Variants in ANGPT1 observed in about 807,000 individuals in gnomAD.
ANGPT1 encodes the protein angiopoietin-1.
ANGPT1 carries 17 observed loss-of-function variants against 62.2 expected under a neutral mutation model. That is an observed-to-expected ratio of 0.27 (90% confidence interval 0.19 to 0.41). The LOEUF (loss-of-function observed/expected upper bound fraction) is 0.41, where lower values mean the gene tolerates loss of function less well. Ranked by LOEUF, ANGPT1 falls within the 10% of genes least tolerant of loss-of-function variation. The pLI, the probability that ANGPT1 is intolerant of heterozygous loss-of-function variation, is 1.00. For synonymous variants in ANGPT1, 199 were observed against 198.9 expected (o/e 1.00, Z 0.00); for missense variants, 478 against 594.9 (o/e 0.80, Z 2.04).
intron 8 of ANGPT1, among the ~76,000 whole-genome samples, chr8:107,260,884 T>A (rs1185289274): frequency 6.6e-6 from 1 of 152,188 alleles, no homozygotes; most frequent in Admixed American, 6.5e-5. Context: ...GTTCAATCAT[T>A]TAAAGCAGAA....
At chr8:107,435,240 A>G (rs892073288) in intron 1 of ANGPT1, among the ~76,000 whole-genome samples, 5 of 152,180 alleles carry the variant, frequency 3.3e-5, no homozygotes, top group African/African-American at 1.2e-4. Flanking sequence ...AAATGAGTGA[A>G]TTTTATGGTA....
intron 8 of ANGPT1, among the ~76,000 whole-genome samples, chr8:107,259,103 A>G (rs1813434929): frequency 6.6e-6 from 1 of 152,198 alleles, no homozygotes; most frequent in East Asian, 1.9e-4. Flanking sequence ...AATTGGGTTG[A>G]AATAAAAGTA....
Position 107,354,995 on chromosome 8 carries a change from T to C in ANGPT1, c.298-7898A>G, listed in dbSNP as rs145803850. On this transcript the variant is annotated intron_variant, in intron 1 of 8. Coordinates refer to ENST00000517746, the MANE Select transcript of ANGPT1 (RefSeq NM_001146.5). Reference sequence around the variant, plus strand: ...GGGCAATCTCAGCTCGCTGCAACCTTCGCCTCTCGGGTTCAAGTGGTTTCC... The same window carrying C: ...GGGCAATCTCAGCTCGCTGCAACCTCCGCCTCTCGGGTTCAAGTGGTTTCC... Among the ~76,000 whole-genome samples the C allele has an allele frequency of 5.8e-3, 882 of 151,514 alleles. 13 individuals carry two copies. Among genetic ancestry groups the C allele is most frequent in the Non-Finnish European group, 5.6e-3 (377 of 67,838 alleles).
At chr8:107,394,111 T>C (rs1319337680) in intron 1 of ANGPT1, among the ~76,000 whole-genome samples, 2 of 152,154 alleles carry the variant, frequency 1.3e-5, no homozygotes, top group South Asian at 2.1e-4. Flanking sequence ...CTGTGAAAGA[T>C]ACCGGTATTT....
At chr8:107,366,293 G>A (rs147330198) in intron 1 of ANGPT1, among the ~76,000 whole-genome samples, 1 of 152,286 alleles carries the variant, frequency 6.6e-6, no homozygotes, top group East Asian at 1.9e-4. Context: ...AAATGGGAGA[G>A]CAGAGATTAG....
At chr8:107,447,310 T>C (rs1250080920) in intron 1 of ANGPT1, among the ~76,000 whole-genome samples, 1 of 152,208 alleles carries the variant, frequency 6.6e-6, no homozygotes, top group Non-Finnish European at 1.5e-5. Flanking sequence ...GCAAAGTGCC[T>C]GTGGGGCAGA....
chr8:107,410,510 G>C (rs893941836), intron 1 of ANGPT1, among the ~76,000 whole-genome samples: 1 of 152,032 alleles, frequency 6.6e-6, no homozygotes, highest in Non-Finnish European at 1.5e-5. Context: ...TATTTCCTTC[G>C]TTCTGCAGCT....
At chr8:107,280,488 G>A (rs774246428) in intron 7 of ANGPT1, among the ~76,000 whole-genome samples, 7 of 152,130 alleles carry the variant, frequency 4.6e-5, no homozygotes, top group Non-Finnish European at 8.8e-5. Context: ...GGGTTGACAC[G>A]TTACATCTAC....
At chr8:107,332,199 TCATCTC>T (rs1815439028) in intron 3 of ANGPT1, among the ~76,000 whole-genome samples, 1 of 152,196 alleles carries the variant, frequency 6.6e-6, no homozygotes, top group Non-Finnish European at 1.5e-5. Flanking sequence ...TACTTTGTGT[TCATCTC>T]ACTCCCTTTG....
At chr8:107,265,570 C>A (rs1401938312) in intron 7 of ANGPT1, among the ~76,000 whole-genome samples, 1 of 152,148 alleles carries the variant, frequency 6.6e-6, no homozygotes, top group Non-Finnish European at 1.5e-5. Context: ...CCCTCTCTCT[C>A]TAACTCTACC....
chr8:107,358,228 T>A (rs1349126922), intron 1 of ANGPT1, among the ~76,000 whole-genome samples: 1 of 152,164 alleles, frequency 6.6e-6, no homozygotes. Flanking sequence ...GTCCAACTAA[T>A]TTTTTTCTGA....
chr8:107,343,253 C>T (rs569106546), intron 2 of ANGPT1, among the ~76,000 whole-genome samples: 1 of 152,066 alleles, frequency 6.6e-6, no homozygotes, highest in Non-Finnish European at 1.5e-5. Flanking sequence ...AGGGGAAATG[C>T]CCACGAGGAA....
At chr8:107,263,010 T>C (rs143518996) in intron 8 of ANGPT1, among the ~76,000 whole-genome samples, 2 of 152,234 alleles carry the variant, frequency 1.3e-5, no homozygotes, top group East Asian at 1.9e-4. Context: ...AAAATGCAAG[T>C]TTATATCATT....
At chr8:107,417,623 T>C (rs1188164330) in intron 1 of ANGPT1, among the ~76,000 whole-genome samples, 1 of 152,204 alleles carries the variant, frequency 6.6e-6, no homozygotes, top group Non-Finnish European at 1.5e-5. Flanking sequence ...AAATAGATTA[T>C]GACCACCCTA....
intron 5 of ANGPT1, among the ~76,000 whole-genome samples, chr8:107,301,143 T>C (rs1814578013): frequency 6.6e-6 from 1 of 152,080 alleles, no homozygotes. Flanking sequence ...ATGGTAGTAC[T>C]GATGATGAAG....
intron 1 of ANGPT1, among the ~76,000 whole-genome samples, chr8:107,390,594 G>T (rs1187951294): frequency 1.3e-5 from 2 of 152,144 alleles, no homozygotes; most frequent in South Asian, 2.1e-4. Context: ...AATCCTCAAA[G>T]AATTGCTTAG....
At chr8:107,410,384 C>T (rs1452346935) in intron 1 of ANGPT1, among the ~76,000 whole-genome samples, 10 of 152,116 alleles carry the variant, frequency 6.6e-5, no homozygotes, top group Non-Finnish European at 1.0e-4. Context: ...TCTGGAATGC[C>T]CTTCCTCCCA....
At chr8:107,333,395 G>A (rs547209952) in intron 3 of ANGPT1, among the ~76,000 whole-genome samples, 1 of 152,282 alleles carries the variant, frequency 6.6e-6, no homozygotes, top group African/African-American at 2.4e-5. Flanking sequence ...TGGAATGGAA[G>A]TGTAAGATGC....
chr8:107,439,058 C>A (rs73699705), intron 1 of ANGPT1, among the ~76,000 whole-genome samples: 6 of 152,062 alleles, frequency 3.9e-5, no homozygotes, highest in Admixed American at 2.6e-4. Context: ...ATCTAATATA[C>A]TTTTTATGCT....
Sources: allele counts gnomAD v4.1 joint callset (sites outside exome capture counted in the v4.1 genomes callset), GRCh38; gene constraint gnomAD v4.1.1; transcripts MANE v1.5; gene names NCBI Gene and HGNC (gene_info 2026-07-23, HGNC 2026-07-21).